The following ESRRG variants were observed in gnomAD, a reference collection of about 807,000 sequenced individuals.
ESRRG encodes estrogen-related receptor gamma.
In ESRRG, 13 loss-of-function variants were observed where a neutral mutation model predicts 44.0. That is an observed-to-expected ratio of 0.30 (90% CI 0.19 to 0.47). The LOEUF (loss-of-function observed/expected upper bound fraction) is 0.47. Among genes scored for constraint, ESRRG ranks in the 20% least tolerant of loss-of-function variants. The pLI, the probability that ESRRG is intolerant of heterozygous loss-of-function variation, is 1.00. For synonymous variants in ESRRG, 215 were observed against 214.6 expected (o/e 1.00, Z -0.02); for missense variants, 395 against 580.6 (o/e 0.68, Z 3.29).
chr1:217,108,007 G>GT (rs891725135), intron 1 of ESRRG, among the ~76,000 whole-genome samples: 18 of 141,804 alleles, frequency 1.3e-4, no homozygotes, highest in African/African-American at 5.2e-4. Flanking sequence ...TTACTGCTAT[G>GT]TTTAAAAAAA....
intron 2 of ESRRG, among the ~76,000 whole-genome samples, chr1:216,844,537 C>A (rs1347103308): frequency 6.6e-6 from 1 of 152,108 alleles, no homozygotes; most frequent in African/African-American, 2.4e-5. Flanking sequence ...TGTCCTCATG[C>A]AGCTTCTTCC....
intron 1 of ESRRG, among the ~76,000 whole-genome samples, chr1:217,065,504 T>A (rs537477941): frequency 6.6e-6 from 1 of 152,322 alleles, no homozygotes; most frequent in Admixed American, 6.5e-5. Context: ...CCCACTCTGA[T>A]GATGAAATCT....
chr1:216,994,323 T>C (rs1263735808), intron 1 of ESRRG, among the ~76,000 whole-genome samples: 4 of 152,220 alleles, frequency 2.6e-5, no homozygotes, highest in Non-Finnish European at 5.9e-5. Flanking sequence ...GTCCCAGGTA[T>C]GCATTTTACA....
In ESRRG at chr1:216,678,931, A is replaced by G. The variant is rs1272256056; in HGVS notation, c.57-1440T>C. ...TTTCATGCCCTCCTCCAGGTCCTCC[A>G]TTGTTCTGTTACTTCAAAATGAAGA... On this transcript the variant is annotated intron_variant, in intron 1 of 6. Transcript: ENST00000408911. Among the ~76,000 whole-genome samples, 8 of 152,270 alleles carry G rather than the reference A, an allele frequency of 5.3e-5. No homozygotes were observed. The South Asian group carries it at 1.7e-3, about 32-fold the overall frequency.
intron 3 of ESRRG, among the ~76,000 whole-genome samples, chr1:216,633,739 T>A (rs1395395370): frequency 6.6e-6 from 1 of 152,226 alleles, no homozygotes; most frequent in Non-Finnish European, 1.5e-5. Flanking sequence ...AAAACTGACA[T>A]TCCTGTCAAT....
Position 216,689,961 on chromosome 1 carries a change from C to T in ESRRG, c.57-12470G>A, listed in dbSNP as rs61817045. ...TAAGAGAGGCTAAAATTCATAAGACCGACAACAATAAATGCTGAGGAAGAT... is the reference window on the plus strand; with the variant it reads ...TAAGAGAGGCTAAAATTCATAAGACTGACAACAATAAATGCTGAGGAAGAT... On this transcript the variant is annotated intron_variant, in intron 1 of 6. Coordinates refer to ENST00000408911, the MANE Select transcript of ESRRG (RefSeq NM_001438.4). Among the ~76,000 whole-genome samples, 842 of 151,798 alleles carry T rather than the reference C, an allele frequency of 5.5e-3. 1 individual carries two copies. The highest frequency in any genetic ancestry group is 9.5e-3 in the Non-Finnish European group (643 of 67,896).
chr1:216,591,595 T>C (rs1016910310), intron 3 of ESRRG, among the ~76,000 whole-genome samples: 14 of 152,154 alleles, frequency 9.2e-5, no homozygotes, highest in Non-Finnish European at 1.5e-5. Flanking sequence ...TAAATAAAGC[T>C]CCTGGGAGAC....
chr1:216,933,294 C>T (rs1480801933), intron 2 of ESRRG, among the ~76,000 whole-genome samples: 5 of 152,088 alleles, frequency 3.3e-5, no homozygotes, highest in African/African-American at 1.2e-4. Flanking sequence ...AAACCATTGG[C>T]CTAATTTAAT....
Position 216,505,982 on chromosome 1 carries a change from A to C in ESRRG, c.*957T>G, listed in dbSNP as rs978924828. 1 of 152,670 alleles carries C rather than the reference A, an allele frequency of 6.6e-6. No individual in the cohort carries two copies. The highest frequency in any genetic ancestry group is 2.4e-5 in the African/African-American group (1 of 41,462). The allele number at this position is 152,670 out of a possible 1,614,324, so 9.5% of individuals were successfully genotyped here. On this transcript the variant is annotated 3_prime_UTR_variant, in exon 7 of 7. Transcript: ENST00000408911. ...TTATTGTTCGTAATTGTTCAAAGCC[A>C]GCACAAAATTGCAGTATTCTTATTT...
chr1:216,857,117 G>A (rs1032890092), intron 2 of ESRRG, among the ~76,000 whole-genome samples: 2 of 151,620 alleles, frequency 1.3e-5, no homozygotes, highest in East Asian at 3.9e-4. Context: ...AATTTTTTAC[G>A]CTAATAATAA....
intron 3 of ESRRG, among the ~76,000 whole-genome samples, chr1:216,572,841 T>C (rs1558576107): frequency 6.6e-6 from 1 of 152,010 alleles, no homozygotes; most frequent in Non-Finnish European, 1.5e-5. Flanking sequence ...GTCAAAAACA[T>C]TGAATGAAAA....
At chr1:217,079,527 C>A (rs1384340408) in intron 1 of ESRRG, among the ~76,000 whole-genome samples, 2 of 152,280 alleles carry the variant, frequency 1.3e-5, no homozygotes, top group East Asian at 1.9e-4. Context: ...ATCTGAGAGT[C>A]CACATAATGT....
chr1:216,603,256 T>C (rs2059481620), intron 3 of ESRRG, among the ~76,000 whole-genome samples: 1 of 152,216 alleles, frequency 6.6e-6, no homozygotes, highest in Non-Finnish European at 1.5e-5. Context: ...CTCCTTATTT[T>C]AAAATATAAC....
intron 1 of ESRRG, among the ~76,000 whole-genome samples, chr1:217,068,644 T>C (rs368863324): frequency 6.6e-6 from 1 of 152,188 alleles, no homozygotes; most frequent in Admixed American, 6.6e-5. Flanking sequence ...CATGTATTAT[T>C]AGAAGAAATA....
chr1:216,878,598 C>G (rs928672307), intron 2 of ESRRG, among the ~76,000 whole-genome samples: 1 of 152,076 alleles, frequency 6.6e-6, no homozygotes, highest in African/African-American at 2.4e-5. Context: ...TAGGAAGAAA[C>G]CCAGTTTTGT....
chr1:216,627,104 AC>A (rs1394006274), intron 3 of ESRRG, among the ~76,000 whole-genome samples: 1 of 152,212 alleles, frequency 6.6e-6, no homozygotes, highest in Non-Finnish European at 1.5e-5. Context: ...AAGAAATGTT[AC>A]ATATGGTTAT....
chr1:216,642,916 T>A (rs1386139737), intron 3 of ESRRG, among the ~76,000 whole-genome samples: 1 of 152,324 alleles, frequency 6.6e-6, no homozygotes, highest in East Asian at 1.9e-4. Flanking sequence ...TGTAACTAAA[T>A]GACCTGCGTA....
chr1:217,024,775 C>A (rs920147116), intron 1 of ESRRG, among the ~76,000 whole-genome samples: 3 of 152,102 alleles, frequency 2.0e-5, no homozygotes, highest in Non-Finnish European at 4.4e-5. Context: ...CTTTAATATT[C>A]ACCACCTCAT....
chr1:217,024,225 G>A (rs1439707634), intron 1 of ESRRG, among the ~76,000 whole-genome samples: 1 of 152,108 alleles, frequency 6.6e-6, no homozygotes, highest in East Asian at 1.9e-4. Flanking sequence ...GGGCATGGTG[G>A]TGGGTGCCTG....
Sources: allele counts gnomAD v4.1 joint callset (sites outside exome capture counted in the v4.1 genomes callset), GRCh38; gene constraint gnomAD v4.1.1; transcripts MANE v1.5; gene names NCBI Gene and HGNC (gene_info 2026-07-23, HGNC 2026-07-21).